ABCB11: variants seen among roughly 807,000 people sequenced by gnomAD.
ABCB11 encodes ATP binding cassette subfamily B member 11, also known as bile salt export pump.
Under a neutral mutation model 148.0 loss-of-function variants are expected in ABCB11, and 95 were observed. The observed-to-expected ratio is 0.64, with a 90% confidence interval of 0.54 to 0.76. The LOEUF is 0.76. Ranked by LOEUF, ABCB11 falls within the 30% of genes least tolerant of loss-of-function variation. The pLI is 0.00. For missense variants in ABCB11, 1,523 were observed against 1,617.8 expected (o/e 0.94, Z 1.01); for synonymous variants, 591 against 555.4 (o/e 1.06, Z -0.90).
At chr2:168,953,178 T>G (rs1194961864) in intron 19 of ABCB11, among the ~76,000 whole-genome samples, 1 of 151,708 alleles carries the variant, frequency 6.6e-6, no homozygotes, top group East Asian at 1.9e-4. Flanking sequence ...GACTGTACAT[T>G]CTGTAGTTGT....
intron 23 of ABCB11, among the ~76,000 whole-genome samples, chr2:168,933,631 A>G (rs1327617742): frequency 6.6e-6 from 1 of 152,204 alleles, no homozygotes; most frequent in Non-Finnish European, 1.5e-5. Context: ...CATCCCCGGG[A>G]GCCCAGTTTA....
At chr2:168,960,543 A>T (rs1279211730) in intron 18 of ABCB11, among the ~76,000 whole-genome samples, 1 of 151,792 alleles carries the variant, frequency 6.6e-6, no homozygotes, top group African/African-American at 2.4e-5. Flanking sequence ...TCAAAGCGAT[A>T]CAAAGTAATT....
At chr2:168,975,636 C>A (rs368078416) in intron 12 of ABCB11, among the ~76,000 whole-genome samples, 7 of 71,338 alleles carry the variant, frequency 9.8e-5, no homozygotes, top group African/African-American at 3.3e-4. Flanking sequence ...TATATATTTA[C>A]ATATATATGT....
At chr2:168,915,577 C>G (rs926818365) in exon 3 of ABCB11, among the ~76,000 whole-genome samples, 1 of 152,178 alleles carries the variant, frequency 6.6e-6, no homozygotes, top group African/African-American at 2.4e-5. Context: ...GCAGGCAACC[C>G]AGGCTGAAGT....
chr2:169,013,496 T>C lies in ABCB11; in HGVS notation c.165A>G (p.Ser55=), dbSNP rs1160287876. ...VGFFQLFRFS[S]STDIWLMFVG... ...CAAACATCAGCCAAATGTCAGTTGA[T>C]GAAGAAAACCGAAACTTGAAAAACA... The change falls in exon 5 of 28, where the codon TCA becomes TCG. Residue 55 remains serine (S), a synonymous_variant. Coordinates refer to ENST00000650372, the MANE Select transcript of ABCB11 (RefSeq NM_003742.4). 6.2e-7 allele frequency: 1 copy of C among 1,613,042 alleles called. No homozygotes were observed. The highest frequency in any genetic ancestry group is 2.2e-5 in the East Asian group (1 of 44,854).
intron 5 of ABCB11, among the ~76,000 whole-genome samples, chr2:168,998,667 T>C (rs888832676): frequency 1.3e-5 from 2 of 152,118 alleles, no homozygotes; most frequent in Non-Finnish European, 2.9e-5. Flanking sequence ...ATGAAGCGAC[T>C]GTCATTAAAA....
chr2:168,921,855 TTCTTTTTC>T lies in ABCB11; in HGVS notation c.*1759_*1766del, dbSNP rs1395464102. ...ACGGAGTCCTTGACCTCTTTTCTTT[TTCTTTTTC>T]TTTTTTTTTTTTTTTCGCTCTGTCG... On this transcript the variant is annotated 3_prime_UTR_variant, in exon 28 of 28. Transcript: ENST00000650372. Among the ~76,000 whole-genome samples, 1 of 143,454 alleles carries T rather than the reference TTCTTTTTC, an allele frequency of 7.0e-6. No homozygotes were observed. The highest frequency in any genetic ancestry group is 2.9e-5 in the African/African-American group (1 of 34,816). 94.1% of individuals were successfully genotyped at this position (143,454 alleles called of 152,430 possible).
rs974561748 is a variant in ABCB11 at position 168,922,007 on chromosome 2, C to T, written c.*1615G>A. Among the ~76,000 whole-genome samples, 3 of 151,964 alleles carry T rather than the reference C, an allele frequency of 2.0e-5. No homozygotes were observed. Among genetic ancestry groups the T allele is most frequent in the African/African-American group, 7.2e-5 (3 of 41,388 alleles). The stretch of plus-strand genomic sequence containing the variant: ...GGGACTACAGGCGCCCGCCACCACG[C>T]CCGGCTAATTTTTTTGTATTTTTAG... On this transcript the variant is annotated 3_prime_UTR_variant, in exon 28 of 28. Transcript: ENST00000650372.
chr2:169,002,075 C>T (rs1332224150), intron 5 of ABCB11, among the ~76,000 whole-genome samples: 3 of 152,002 alleles, frequency 2.0e-5, no homozygotes, highest in Non-Finnish European at 4.4e-5. Context: ...GATAGAAAAA[C>T]AAAATCATTT....
At chr2:169,024,255 G>A (rs1300835823) in intron 1 of ABCB11, among the ~76,000 whole-genome samples, 2 of 152,046 alleles carry the variant, frequency 1.3e-5, no homozygotes, top group African/African-American at 4.8e-5. Flanking sequence ...TGCCACAAAA[G>A]GGTTAATGTT....
intron 5 of ABCB11, among the ~76,000 whole-genome samples, chr2:168,999,989 G>C (rs1573961662): frequency 6.6e-6 from 1 of 152,004 alleles, no homozygotes; most frequent in Admixed American, 6.6e-5. Context: ...AACATTTAGG[G>C]TTATCACTAT....
chr2:168,971,079 G>A (rs560228656), intron 14 of ABCB11, among the ~76,000 whole-genome samples: 99 of 150,646 alleles, frequency 6.6e-4, no homozygotes, highest in Admixed American at 1.1e-3. Context: ...TCTTCTGAAG[G>A]CAGATCACCT....
intron 17 of ABCB11, 36 bp from the exon 18 acceptor site, chr2:168,964,344 G>A (rs1472942361): frequency 2.7e-6 from 4 of 1,500,328 alleles, no homozygotes; most frequent in South Asian, 1.2e-5. Context: ...AGTGTAGACT[G>A]TGGCCAGATT....
intron 9 of ABCB11, among the ~76,000 whole-genome samples, chr2:168,989,508 T>C (rs1694439817): frequency 6.6e-6 from 1 of 152,126 alleles, no homozygotes; most frequent in African/African-American, 2.4e-5. Flanking sequence ...GCCAGTACCA[T>C]GCTGTTTTTA....
chr2:168,966,014 C>A (rs1693301380), intron 17 of ABCB11, among the ~76,000 whole-genome samples: 1 of 151,860 alleles, frequency 6.6e-6, no homozygotes, highest in African/African-American at 2.4e-5. Context: ...TATGACCAGG[C>A]ATTAAACCAC....
At position 168,935,236 on chromosome 2, in the gene ABCB11, A is replaced by G. The variant is rs768064578; in HGVS notation, c.3004T>C (p.Tyr1002His). The G allele has an allele frequency of 6.2e-7, 1 of 1,613,992 alleles. No homozygotes were observed. The highest frequency in any genetic ancestry group is 1.1e-5 in the South Asian group (1 of 91,082). Reference sequence around the variant, plus strand: ...TCATTGGAGATTAAGTAACCTCCATATCTGTAGGAAGCAGAATTCGCAATA... The same window carrying G: ...TCATTGGAGATTAAGTAACCTCCATGTCTGTAGGAAGCAGAATTCGCAATA... ...MFIANSASYR[Y>H]GGYLISNEGL... is the part of the protein sequence containing the mutation. Residue 1002 changes from tyrosine (Y) to histidine (H), a missense_variant, in exon 23 of 28, where the codon TAT becomes CAT. Physicochemically the swap from Tyr to His is moderately conservative, Grantham distance 83 (BLOSUM62 2). Transcript: ENST00000650372.
At chr2:169,019,873 A>G (rs1393692340) in intron 1 of ABCB11, among the ~76,000 whole-genome samples, 1 of 152,212 alleles carries the variant, frequency 6.6e-6, no homozygotes, top group South Asian at 2.1e-4. Context: ...GAGCCAAAAA[A>G]TTATTCAGCA....
At chr2:168,946,587 T>C (rs1692332967) in intron 19 of ABCB11, among the ~76,000 whole-genome samples, 1 of 151,730 alleles carries the variant, frequency 6.6e-6, no homozygotes, top group Non-Finnish European at 1.5e-5. Flanking sequence ...AATTTAAAGA[T>C]AAATATTTTT....
At chr2:168,945,382 G>A (rs1366597304) in intron 19 of ABCB11, among the ~76,000 whole-genome samples, 2 of 151,880 alleles carry the variant, frequency 1.3e-5, no homozygotes, top group African/African-American at 4.8e-5. Context: ...AGTCCTCTGT[G>A]GGGCGGAAAA....
Sources: gnomAD v4.1 joint callset for allele counts (sites outside exome capture counted in the v4.1 genomes callset) on GRCh38, gnomAD v4.1.1 for gene constraint, MANE v1.5 for transcripts, NCBI Gene and HGNC (gene_info 2026-07-23, HGNC 2026-07-21) for gene names.